Variants in AOAH observed in about 807,000 individuals in gnomAD.
AOAH encodes acyloxyacyl hydrolase (neutrophil).
In AOAH, 64 loss-of-function variants were observed where a neutral mutation model predicts 92.2. That is an observed-to-expected ratio of 0.69 (90% CI 0.57 to 0.86). The LOEUF (loss-of-function observed/expected upper bound fraction) is 0.86, where lower values mean the gene tolerates loss of function less well. AOAH is among the 40% of genes least tolerant of loss of function. The pLI is 0.00. For synonymous variants in AOAH, 263 were observed against 254.5 expected (o/e 1.03, Z -0.32); for missense variants, 656 against 694.6 (o/e 0.94, Z 0.62).
intron 4 of AOAH, among the ~76,000 whole-genome samples, chr7:36,656,886 G>T (rs886350221): frequency 6.8e-6 from 1 of 147,654 alleles, no homozygotes. Flanking sequence ...TTGGTGGGGG[G>T]TGTTGGCAGT....
intron 20 of AOAH, among the ~76,000 whole-genome samples, chr7:36,518,675 T>G (rs1271162816): frequency 6.6e-6 from 1 of 152,244 alleles, no homozygotes; most frequent in African/African-American, 2.4e-5. Context: ...TTTCCAGGTA[T>G]TTTCCTTTGT....
chr7:36,665,275 T>C (rs1292879124), intron 3 of AOAH, among the ~76,000 whole-genome samples: 1 of 152,228 alleles, frequency 6.6e-6, no homozygotes, highest in African/African-American at 2.4e-5. Flanking sequence ...GATTTACACA[T>C]AAGTATTTTA....
At chr7:36,571,129 A>G (rs1788120590) in intron 13 of AOAH, among the ~76,000 whole-genome samples, 2 of 152,222 alleles carry the variant, frequency 1.3e-5, no homozygotes, top group Admixed American at 1.3e-4. Flanking sequence ...AATAAAGTCT[A>G]GTATTTACTG....
intron 10 of AOAH, among the ~76,000 whole-genome samples, chr7:36,617,092 G>T (rs1018816087): frequency 6.6e-6 from 1 of 152,172 alleles, no homozygotes; most frequent in Non-Finnish European, 1.5e-5. Context: ...TTAAGATCCT[G>T]AAAGACTGAA....
At position 36,688,420 on chromosome 7, in the gene AOAH, C is replaced by T. The variant is rs182891897; in HGVS notation, c.128-1626G>A. Among the ~76,000 whole-genome samples, 38 of 151,904 alleles carry T rather than the reference C, an allele frequency of 2.5e-4. No homozygotes were observed. The East Asian group carries it at 6.4e-3, about 26-fold the overall frequency. ...ATTTAATACAAGTAAATATTTTTGG[C>T]ATTAATAATGTACTTTTACACCCTA... On this transcript the variant is annotated intron_variant, in intron 1 of 20. Transcript: ENST00000617537.
rs903213937 is a variant in AOAH at position 36,614,183 on chromosome 7, C to T, written c.846+2197G>A. Among the ~76,000 whole-genome samples, 3 of 152,186 alleles carry T rather than the reference C, an allele frequency of 2.0e-5. No homozygotes were observed. Among genetic ancestry groups the T allele is most frequent in the Admixed American group, 2.0e-4 (3 of 15,290 alleles). Reference sequence around the variant, plus strand: ...CCCTTTCTCGAGGGCAGGGGCACCACCCCCTTCTCTAATGGACACGGTGGC... The same window carrying T: ...CCCTTTCTCGAGGGCAGGGGCACCATCCCCTTCTCTAATGGACACGGTGGC... On this transcript the variant is annotated intron_variant, in intron 11 of 20. Transcript: ENST00000617537. This position sits in a 1 kb window ranked among gnomAD's most constrained non-coding sequence, Gnocchi z 4.2.
At chr7:36,518,328 C>T (rs1351734428) in intron 20 of AOAH, among the ~76,000 whole-genome samples, 1 of 152,146 alleles carries the variant, frequency 6.6e-6, no homozygotes, top group Non-Finnish European at 1.5e-5. Flanking sequence ...TCCTGTCAGC[C>T]TCCTGAGTAG....
intron 13 of AOAH, among the ~76,000 whole-genome samples, chr7:36,550,765 C>T (rs938433460): frequency 6.6e-6 from 1 of 152,218 alleles, no homozygotes; most frequent in Non-Finnish European, 1.5e-5. Context: ...TTGCCCCTTT[C>T]CATAGGAAGA....
intron 1 of AOAH, among the ~76,000 whole-genome samples, chr7:36,693,457 G>T (rs1171457742): frequency 6.6e-6 from 1 of 151,976 alleles, no homozygotes; most frequent in Non-Finnish European, 1.5e-5. Flanking sequence ...TTCTTGAATT[G>T]AAAAGCCCAC....
At chr7:36,563,931 T>C (rs1787483659) in intron 13 of AOAH, among the ~76,000 whole-genome samples, 1 of 152,242 alleles carries the variant, frequency 6.6e-6, no homozygotes, top group South Asian at 2.1e-4. Context: ...CAGTTTCTAC[T>C]ACTGTAAATG....
chr7:36,590,465 G>A (rs977071333), intron 12 of AOAH, among the ~76,000 whole-genome samples: 12 of 152,160 alleles, frequency 7.9e-5, no homozygotes, highest in Non-Finnish European at 1.3e-4. Context: ...AAGAACTAAA[G>A]GTTTGTAAAA....
intron 4 of AOAH, among the ~76,000 whole-genome samples, chr7:36,656,962 G>T (rs1043196839): frequency 2.6e-5 from 4 of 151,694 alleles, no homozygotes; most frequent in Admixed American, 2.6e-4. Flanking sequence ...GCATTCATAC[G>T]TGCTACGTAG....
intron 2 of AOAH, among the ~76,000 whole-genome samples, chr7:36,684,366 C>T (rs1431614157): frequency 6.6e-6 from 1 of 152,066 alleles, no homozygotes; most frequent in Non-Finnish European, 1.5e-5. Context: ...AAACTAACTG[C>T]TTGCTGTGAG....
intron 1 of AOAH, among the ~76,000 whole-genome samples, chr7:36,697,696 C>A (rs953203655): frequency 6.6e-6 from 1 of 152,114 alleles, no homozygotes; most frequent in African/African-American, 2.4e-5. Context: ...AAAATTCATG[C>A]CCTTCCTGGG....
chr7:36,537,812 T>C (rs13308059), intron 16 of AOAH, among the ~76,000 whole-genome samples: 148,676 of 152,048 alleles, frequency 0.98, 72,788 homozygotes, highest in South Asian at 1. Flanking sequence ...CGTGAGCCAC[T>C]GCACCCAGCC....
Position 36,670,757 on chromosome 7 carries a change from G to C in AOAH, c.290+3186C>G, listed in dbSNP as rs144078552. Reference sequence around the variant, plus strand: ...CCCAAAGTGCTGAGATTACAGGCGTGAGCCACCGCGCCCGGCCCGCTGGTC... The same window carrying C: ...CCCAAAGTGCTGAGATTACAGGCGTCAGCCACCGCGCCCGGCCCGCTGGTC... On this transcript the variant is annotated intron_variant, in intron 3 of 20. Transcript: ENST00000617537. 4.0e-4 allele frequency among the ~76,000 whole-genome samples: 61 copies of C among 152,286 alleles called. No individual in the cohort carries two copies. The East Asian group carries it at 0.011, about 28-fold the overall frequency.
chr7:36,553,615 T>C (rs1786454183), intron 13 of AOAH, among the ~76,000 whole-genome samples: 1 of 152,044 alleles, frequency 6.6e-6, no homozygotes, highest in Non-Finnish European at 1.5e-5. Context: ...AGTGTAAAAG[T>C]GTTCCTATTT....
chr7:36,672,110 C>A (rs1795974106), intron 3 of AOAH, among the ~76,000 whole-genome samples: 1 of 152,140 alleles, frequency 6.6e-6, no homozygotes, highest in Non-Finnish European at 1.5e-5. Context: ...AGGGTCCCTG[C>A]CTTCCAAACA....
intron 13 of AOAH, among the ~76,000 whole-genome samples, chr7:36,557,710 C>T (rs1031706521): frequency 2.0e-5 from 3 of 152,100 alleles, no homozygotes; most frequent in Admixed American, 2.0e-4. Context: ...CTCTAAACTT[C>T]CCTTCTTGCT....
Sources: allele counts gnomAD v4.1 joint callset (sites outside exome capture counted in the v4.1 genomes callset), GRCh38; gene constraint gnomAD v4.1.1; non-coding constraint Gnocchi (gnomAD v3.1); transcripts MANE v1.5; gene names NCBI Gene and HGNC (gene_info 2026-07-23, HGNC 2026-07-21).